PPEF1: variants seen among roughly 807,000 people sequenced by gnomAD.
PPEF1 encodes serine/threonine-protein phosphatase with EF-hands 1.
Under a neutral mutation model 53.3 loss-of-function variants are expected in PPEF1, and 12 were observed. The observed-to-expected ratio is 0.23, with a 90% CI of 0.14 to 0.36. The LOEUF is 0.36. PPEF1 is among the 10% of genes least tolerant of loss of function. The probability of loss-of-function intolerance (pLI) is 1.00; values close to 1 mark genes in which losing one functional copy is unlikely to be tolerated. For missense variants in PPEF1, 334 were observed against 490.4 expected, an observed-to-expected ratio of 0.68 and a Z score of 3.01; for synonymous variants, 165 against 176.7, an observed-to-expected ratio of 0.93 and a Z score of 0.52.
chrX:18,783,887 T>TCG lies in PPEF1; in HGVS notation c.763-11_763-10insGC, dbSNP rs1188813154. 2 of 1,203,474 alleles carry TCG rather than the reference T, an allele frequency of 1.7e-6. No homozygotes were observed. Among genetic ancestry groups the TCG allele is most frequent in the Non-Finnish European group, 2.2e-6 (2 of 891,833 alleles). On this transcript the variant is annotated splice_polypyrimidine_tract_variant and intron_variant, in intron 8 of 15. Coordinates refer to ENST00000470157, the MANE Select transcript of PPEF1 (RefSeq NM_001377996.1). ...TCAGAAAAACAAAACTTACTCAAGCTCTTACTTACAGCTACATGGAAAAAG... is the reference window on the plus strand; with the variant it reads ...TCAGAAAAACAAAACTTACTCAAGCTCGCTTACTTACAGCTACATGGAAAAAG...
chrX:18,777,128 A>T (rs1245793490), intron 6 of PPEF1, among the ~76,000 whole-genome samples: 1 of 112,428 alleles, frequency 8.9e-6, no homozygotes, highest in East Asian at 2.8e-4. Context: ...CATAAAGGTT[A>T]CATAACTTGC....
chrX:18,715,545 T>G (rs2044434460), intron 1 of PPEF1, among the ~76,000 whole-genome samples: 1 of 111,430 alleles, frequency 9.0e-6, no homozygotes, highest in Non-Finnish European at 1.9e-5. Context: ...AAAAAAAAAG[T>G]AACATCAATT....
At chrX:18,704,256 G>GA, upstream of PPEF1, among the ~76,000 whole-genome samples, 1 of 111,618 alleles carries the variant, frequency 9.0e-6, no homozygotes, top group East Asian at 2.8e-4. Context: ...AAAAGGGGTG[G>GA]AAAAAATAGC....
chrX:18,793,938 C>T (rs1432767440), intron 10 of PPEF1, among the ~76,000 whole-genome samples: 1 of 111,729 alleles, frequency 9.0e-6, no homozygotes, highest in Non-Finnish European at 1.9e-5. Flanking sequence ...TCTCCCACCA[C>T]CAGGGCTGGT....
upstream of PPEF1, among the ~76,000 whole-genome samples, chrX:18,680,703 G>A (rs1928850994): frequency 9.1e-6 from 1 of 109,741 alleles, no homozygotes; most frequent in African/African-American, 3.3e-5. Flanking sequence ...TGCCATGTTG[G>A]TGTGATGCAC....
At chrX:18,738,777 T>A (rs112601680) in intron 3 of PPEF1, among the ~76,000 whole-genome samples, 56 of 98,901 alleles carry the variant, frequency 5.7e-4, no homozygotes, top group Middle Eastern at 5.2e-3. Flanking sequence ...CAGATGCAGA[T>A]TTAGTCTTTT....
chrX:18,747,919 CAGTGTGTACAGTCAGGAAA>C (rs1406050138), intron 3 of PPEF1, among the ~76,000 whole-genome samples: 5 of 111,162 alleles, frequency 4.5e-5, no homozygotes, highest in African/African-American at 1.6e-4. Flanking sequence ...CTTGGTATTT[CAGTGTGTACAGTCAGGAAA>C]AGGAAAGTTT....
intron 2 of PPEF1, among the ~76,000 whole-genome samples, chrX:18,685,915 CT>C (rs1020713265): frequency 2.7e-5 from 3 of 110,058 alleles, no homozygotes; most frequent in African/African-American, 6.6e-5. Flanking sequence ...AACTGGCTGA[CT>C]TTTTTTTTCT....
intron 10 of PPEF1, among the ~76,000 whole-genome samples, chrX:18,799,277 G>A (rs190435767): frequency 1.9e-5 from 2 of 105,494 alleles, no homozygotes; most frequent in African/African-American, 3.5e-5. Context: ...GTGGTGGCAC[G>A]TACCCGTAAT....
At chrX:18,745,457 A>G (rs1363599176) in intron 3 of PPEF1, among the ~76,000 whole-genome samples, 3 of 108,179 alleles carry the variant, frequency 2.8e-5, no homozygotes, top group African/African-American at 6.7e-5. Context: ...GCAATTCTCC[A>G]TGCCCAGCCT....
chrX:18,728,913 G>T (rs763391807), intron 1 of PPEF1, among the ~76,000 whole-genome samples: 153 of 111,809 alleles, frequency 1.4e-3, no homozygotes, highest in Non-Finnish European at 2.2e-3. Context: ...AATAAAAGGA[G>T]CCAGCTGGTG....
chrX:18,738,485 G>A (rs1231781666), intron 3 of PPEF1, among the ~76,000 whole-genome samples: 2 of 111,366 alleles, frequency 1.8e-5, no homozygotes, highest in South Asian at 3.7e-4. Context: ...AGTTTCTGCC[G>A]AGAGATCCGC....
intron 5 of PPEF1, among the ~76,000 whole-genome samples, chrX:18,760,777 A>ATTT (rs35558454): frequency 0.017 from 1,223 of 73,980 alleles, 57 homozygotes; most frequent in African/African-American, 0.051. Context: ...AAACCTGGCA[A>ATTT]TTTTTTTTTT....
intron 13 of PPEF1, among the ~76,000 whole-genome samples, chrX:18,822,185 G>A (rs1162450364): frequency 8.9e-6 from 1 of 111,861 alleles, no homozygotes; most frequent in East Asian, 2.8e-4. Flanking sequence ...TAACCGTGCG[G>A]TGCTGTAGAA....
At position 18,734,882 on chromosome X, in the gene PPEF1, C is replaced by T. The variant is rs181009094; in HGVS notation, c.235+1074C>T. ...TTTGCATTTCTCTGATGGCCAGTGA[C>T]GATGAGCATTTTTTCATGTGTCCGT... On this transcript the variant is annotated intron_variant, in intron 3 of 15. Transcript: ENST00000470157. Among the ~76,000 whole-genome samples the T allele has an allele frequency of 4.3e-4, 48 of 112,056 alleles. 1 individual carries two copies. The highest frequency in any genetic ancestry group is 3.5e-3 in the Admixed American group (37 of 10,567).
At chrX:18,699,666 T>C (rs2043023802) in intron 5 of PPEF1, among the ~76,000 whole-genome samples, 1 of 111,339 alleles carries the variant, frequency 9.0e-6, no homozygotes, top group African/African-American at 3.3e-5. Context: ...AGGCCAACTT[T>C]CCTTTCCCTT....
chrX:18,718,754 A>G (rs927104964), intron 1 of PPEF1, among the ~76,000 whole-genome samples: 6 of 112,233 alleles, frequency 5.3e-5, no homozygotes, highest in African/African-American at 1.9e-4. Context: ...AAATCTTGTT[A>G]CAGAGAGACC....
upstream of PPEF1, among the ~76,000 whole-genome samples, chrX:18,681,010 C>CT (rs1323376050): frequency 9.0e-6 from 1 of 111,393 alleles, no homozygotes; most frequent in Non-Finnish European, 1.9e-5. Context: ...TTAATCCAGT[C>CT]TATCGTTGTT....
At chrX:18,816,541 G>A in intron 12 of PPEF1, among the ~76,000 whole-genome samples, 1 of 111,728 alleles carries the variant, frequency 9.0e-6, no homozygotes, top group Non-Finnish European at 1.9e-5. Flanking sequence ...ACATATCTGT[G>A]AGGTCTAGTT....
Sources: allele counts gnomAD v4.1 joint callset (sites outside exome capture counted in the v4.1 genomes callset), GRCh38; gene constraint gnomAD v4.1.1; transcripts MANE v1.5; gene names NCBI Gene and HGNC (gene_info 2026-07-23, HGNC 2026-07-21).